Variants in ZFHX3 observed in about 807,000 individuals in gnomAD.
ZFHX3 encodes the protein zinc finger homeobox protein 3.
Under a neutral mutation model 279.1 loss-of-function variants are expected in ZFHX3, and 42 were observed. The ratio of observed to expected loss-of-function variants is 0.15; its 90% CI spans 0.12 to 0.19. The LOEUF (loss-of-function observed/expected upper bound fraction) is 0.19. ZFHX3 is among the 10% of genes least tolerant of loss of function. ZFHX3 has a pLI of 1.00. For missense variants in ZFHX3, 4,981 were observed against 4,754.0 expected, an observed-to-expected ratio of 1.05 and a Z score of -1.40; for synonymous variants, 2,293 against 1,957.8, an observed-to-expected ratio of 1.17 and a Z score of -4.52.
intron 2 of ZFHX3, among the ~76,000 whole-genome samples, chr16:73,595,061 G>T (rs1371395730): frequency 6.6e-6 from 1 of 152,130 alleles, no homozygotes; most frequent in Non-Finnish European, 1.5e-5. Context: ...TTGTTATGGG[G>T]TTGCTTGCAA....
intron 2 of ZFHX3, among the ~76,000 whole-genome samples, chr16:73,595,816 A>G (rs1162646243): frequency 3.9e-5 from 6 of 151,992 alleles, no homozygotes; most frequent in African/African-American, 1.5e-4. Context: ...TTGGTTACCT[A>G]TGCCTGAGGG....
chr16:73,468,900 A>G (rs189799809), intron 2 of ZFHX3, among the ~76,000 whole-genome samples: 9 of 152,308 alleles, frequency 5.9e-5, no homozygotes, highest in East Asian at 1.9e-4. Context: ...CTCTACCACA[A>G]TGGTCTCCTT....
intron 1 of ZFHX3, among the ~76,000 whole-genome samples, chr16:73,717,161 C>G (rs947582180): frequency 2.6e-5 from 4 of 152,178 alleles, no homozygotes; most frequent in African/African-American, 9.7e-5. Context: ...TGGGCTCTAG[C>G]TTGCTGTCAC....
intron 3 of ZFHX3, among the ~76,000 whole-genome samples, chr16:73,414,033 T>G (rs2017521839): frequency 6.6e-6 from 1 of 152,290 alleles, no homozygotes; most frequent in African/African-American, 2.4e-5. Context: ...AAAACAAAAG[T>G]AAACAAAAAA....
At chr16:73,154,437 T>C (rs1268438290) in intron 5 of ZFHX3, among the ~76,000 whole-genome samples, 1 of 152,220 alleles carries the variant, frequency 6.6e-6, no homozygotes, top group Non-Finnish European at 1.5e-5. Context: ...ACTCCCTGTC[T>C]GCAATAACCA....
chr16:73,241,425 G>A (rs930134109), intron 5 of ZFHX3, among the ~76,000 whole-genome samples: 1 of 152,168 alleles, frequency 6.6e-6, no homozygotes, highest in Admixed American at 6.5e-5. Flanking sequence ...TGTCAGGAAA[G>A]GGGGTCACTC....
chr16:73,478,544 C>A (rs971812202), intron 2 of ZFHX3, among the ~76,000 whole-genome samples: 3 of 152,138 alleles, frequency 2.0e-5, no homozygotes, highest in African/African-American at 7.2e-5. Context: ...CCTCTTGGTA[C>A]CCTATATATT....
At chr16:73,735,735 T>A (rs1567565658) in intron 1 of ZFHX3, among the ~76,000 whole-genome samples, 1 of 152,132 alleles carries the variant, frequency 6.6e-6, no homozygotes, top group Non-Finnish European at 1.5e-5. Context: ...ACATTCCCTT[T>A]TGAGCTATCT....
chr16:73,141,865 C>T (rs1179502156), intron 6 of ZFHX3, among the ~76,000 whole-genome samples: 1 of 152,152 alleles, frequency 6.6e-6, no homozygotes, highest in East Asian at 1.9e-4. Flanking sequence ...TGATCTCTTT[C>T]CTGACTGTGT....
At chr16:73,075,729 G>C (rs1382915027) in intron 8 of ZFHX3, among the ~76,000 whole-genome samples, 1 of 152,004 alleles carries the variant, frequency 6.6e-6, no homozygotes, top group South Asian at 2.1e-4. Context: ...CGCCTCCTGG[G>C]TTCAAGGGAT....
chr16:73,433,550 G>A (rs988899277), intron 3 of ZFHX3, among the ~76,000 whole-genome samples: 7 of 152,046 alleles, frequency 4.6e-5, no homozygotes, highest in Admixed American at 6.6e-5. Context: ...GGCAACCGAC[G>A]CCCACCCCAG....
chr16:73,334,945 A>G (rs1194418114), intron 3 of ZFHX3, among the ~76,000 whole-genome samples: 1 of 148,390 alleles, frequency 6.7e-6, no homozygotes, highest in Non-Finnish European at 1.5e-5. Context: ...ACAAAGGGGG[A>G]AAAATGTCCT....
intron 7 of ZFHX3, among the ~76,000 whole-genome samples, chr16:73,127,858 C>A (rs1966598652): frequency 6.6e-6 from 1 of 152,096 alleles, no homozygotes. Flanking sequence ...GATTGTAATT[C>A]TTTTTCTTGA....
chr16:73,521,977 C>T (rs928144949), intron 2 of ZFHX3, among the ~76,000 whole-genome samples: 2 of 152,090 alleles, frequency 1.3e-5, no homozygotes, highest in Admixed American at 6.5e-5. Context: ...ACTTCCGTTC[C>T]CTTTTGCCAA....
At chr16:73,357,823 C>A (rs1054679833) in intron 3 of ZFHX3, among the ~76,000 whole-genome samples, 1 of 152,172 alleles carries the variant, frequency 6.6e-6, no homozygotes, top group Admixed American at 6.5e-5. Flanking sequence ...TGGAATTGCC[C>A]ATTTCCCTCT....
chr16:73,833,434 A>G (rs894108906), intron 1 of ZFHX3, among the ~76,000 whole-genome samples: 1 of 152,214 alleles, frequency 6.6e-6, no homozygotes, highest in Admixed American at 6.5e-5. Flanking sequence ...CCTGTCCTCA[A>G]GAAACTCACA....
intron 3 of ZFHX3, among the ~76,000 whole-genome samples, chr16:72,935,225 G>A (rs924691218): frequency 7.2e-5 from 11 of 152,146 alleles, no homozygotes; most frequent in Non-Finnish European, 1.5e-4. Context: ...TGGGACAGGA[G>A]GAGAGAAGCA....
intron 3 of ZFHX3, among the ~76,000 whole-genome samples, chr16:73,432,497 G>T (rs146407265): frequency 6.6e-6 from 1 of 152,286 alleles, no homozygotes; most frequent in East Asian, 1.9e-4. Context: ...GTGATCCACT[G>T]ATCTAGTTGA....
chr16:73,760,493 C>T, intron 1 of ZFHX3, among the ~76,000 whole-genome samples: 1 of 151,928 alleles, frequency 6.6e-6, no homozygotes, highest in Non-Finnish European at 1.5e-5. Flanking sequence ...GATACCAAAA[C>T]CTGGCAGCAT....
Sources: allele counts gnomAD v4.1 joint callset (sites outside exome capture counted in the v4.1 genomes callset), GRCh38; gene constraint gnomAD v4.1.1; transcripts MANE v1.5; gene names NCBI Gene and HGNC (gene_info 2026-07-23, HGNC 2026-07-21).